Variants in TMPRSS11F observed in about 807,000 individuals in gnomAD.
TMPRSS11F encodes the protein transmembrane protease serine 11F.
In TMPRSS11F, 47 loss-of-function variants were observed where a neutral mutation model predicts 60.2. That is an observed-to-expected ratio of 0.78 (90% confidence interval 0.62 to 1.00). The LOEUF (loss-of-function observed/expected upper bound fraction) is 1.00. Among genes scored for constraint, TMPRSS11F ranks in the 50% least tolerant of loss-of-function variants. The probability of loss-of-function intolerance (pLI) is 0.00; values close to 1 mark genes in which losing one functional copy is unlikely to be tolerated. For missense variants in TMPRSS11F, 519 were observed against 522.9 expected (o/e 0.99, Z 0.07); for synonymous variants, 166 against 167.3 (o/e 0.99, Z 0.06).
intron 2 of TMPRSS11F, 35 bp downstream of exon 2, chr4:68,098,852 T>G: frequency 6.4e-7 from 1 of 1,570,688 alleles, no homozygotes; most frequent in Non-Finnish European, 8.6e-7. Flanking sequence ...AGTCATGGAG[T>G]ACTTAGGCAA....
At chr4:68,067,546 A>G (rs1481534529) in intron 7 of TMPRSS11F, among the ~76,000 whole-genome samples, 1 of 152,268 alleles carries the variant, frequency 6.6e-6, no homozygotes, top group Non-Finnish European at 1.5e-5. Context: ...TCTCACAAAA[A>G]CAGAAGTGCA....
At chr4:68,076,866 G>A (rs367784438) in intron 3 of TMPRSS11F, among the ~76,000 whole-genome samples, 30 of 152,246 alleles carry the variant, frequency 2.0e-4, no homozygotes, top group East Asian at 1.2e-3. Context: ...AAATAATATC[G>A]TTGTCAATGG....
chr4:68,123,964 T>C (rs2109891324), intron 1 of TMPRSS11F, among the ~76,000 whole-genome samples: 1 of 152,314 alleles, frequency 6.6e-6, no homozygotes, highest in Admixed American at 6.5e-5. Context: ...CTCATGCCTG[T>C]AATCCTAGCA....
At chr4:68,059,587 T>A in intron 8 of TMPRSS11F, 119 bp from the exon 9 acceptor site, 12 of 980,828 alleles carry the variant, frequency 1.2e-5, no homozygotes, top group Non-Finnish European at 1.7e-5. Context: ...TAACATTAGC[T>A]ATCATCTTAT....
intron 1 of TMPRSS11F, among the ~76,000 whole-genome samples, chr4:68,107,522 T>C (rs1724325985): frequency 6.6e-6 from 1 of 152,036 alleles, no homozygotes; most frequent in Non-Finnish European, 1.5e-5. Flanking sequence ...GAAATAGTCA[T>C]TACAAGGACC....
At chr4:68,074,091 TAAGAA>T (rs1413567694) in intron 3 of TMPRSS11F, 82 bp from the exon 4 acceptor site, 25 of 848,652 alleles carry the variant, frequency 2.9e-5, no homozygotes, top group Non-Finnish European at 1.6e-5. Flanking sequence ...GTATTAGTCT[TAAGAA>T]AAGTGTTATT....
At position 68,077,383 on chromosome 4, in the gene TMPRSS11F, C is replaced by T. The variant is rs374869691; in HGVS notation, c.283-3374G>A. 5.9e-5 allele frequency: 9 copies of T among 152,320 alleles called. No homozygotes were observed. In the South Asian group the frequency reaches 1.0e-3, roughly 18 times the overall value. The allele number at this position is 152,320 out of a possible 1,614,324, so 9.4% of individuals were successfully genotyped here. On this transcript the variant is annotated intron_variant, in intron 3 of 9. Coordinates refer to ENST00000356291, the MANE Select transcript of TMPRSS11F (RefSeq NM_207407.2). ...ACAAGCAAGAGTGCATTAAGGCCCACATAGACTGCATTCTCTGTGATTCCA... is the reference window on the plus strand; with the variant it reads ...ACAAGCAAGAGTGCATTAAGGCCCATATAGACTGCATTCTCTGTGATTCCA...
At chr4:68,055,513 T>G (rs1207853573) in intron 9 of TMPRSS11F, among the ~76,000 whole-genome samples, 1 of 152,086 alleles carries the variant, frequency 6.6e-6, no homozygotes, top group Non-Finnish European at 1.5e-5. Flanking sequence ...CATGAAGAAG[T>G]GGAAAACCTG....
At chr4:68,090,159 C>A (rs1370831) in intron 3 of TMPRSS11F, among the ~76,000 whole-genome samples, 57,936 of 151,808 alleles carry the variant, frequency 0.38, 12,871 homozygotes, top group Non-Finnish European at 0.52. Context: ...TAAGTGCTGT[C>A]AAAATAAACA....
At position 68,129,521 on chromosome 4, in the gene TMPRSS11F, G is replaced by A. The variant is rs575882822; in HGVS notation, c.11+289C>T. On this transcript the variant is annotated intron_variant, in intron 1 of 9. Transcript: ENST00000356291. ...TATTAAACACTTTATTCTTTGAAGTGTAGGTTTTACTAAATGTTTTAAATA... is the reference window on the plus strand; with the variant it reads ...TATTAAACACTTTATTCTTTGAAGTATAGGTTTTACTAAATGTTTTAAATA... Among the ~76,000 whole-genome samples the A allele has an allele frequency of 1.6e-3, 248 of 152,150 alleles. 1 individual carries two copies. Among genetic ancestry groups the A allele is most frequent in the African/African-American group, 5.8e-3 (240 of 41,534 alleles).
At chr4:68,117,397 G>A (rs935952022) in intron 1 of TMPRSS11F, among the ~76,000 whole-genome samples, 1 of 150,016 alleles carries the variant, frequency 6.7e-6, no homozygotes, top group Non-Finnish European at 1.5e-5. Flanking sequence ...AACCCTGGGT[G>A]GCAGAGCCTG....
At chr4:68,062,436 A>T (rs1723204216) in intron 8 of TMPRSS11F, 1 of 632,426 alleles carries the variant, frequency 1.6e-6, no homozygotes, top group African/African-American at 1.8e-5. Flanking sequence ...TAAAAGGTTG[A>T]ATATGATTCT....
chr4:68,104,266 G>A (rs1281616253), intron 1 of TMPRSS11F, among the ~76,000 whole-genome samples: 4 of 152,162 alleles, frequency 2.6e-5, no homozygotes, highest in African/African-American at 9.7e-5. Flanking sequence ...GATATTGGTT[G>A]TAGGTTTTTC....
chr4:68,054,337 C>G (rs1045181331), intron 9 of TMPRSS11F, among the ~76,000 whole-genome samples: 13 of 151,888 alleles, frequency 8.6e-5, no homozygotes, highest in East Asian at 7.7e-4. Flanking sequence ...TTTGAACAGG[C>G]CTGTTTAGCA....
intron 8 of TMPRSS11F, among the ~76,000 whole-genome samples, chr4:68,059,738 G>A (rs1318759652): frequency 1.3e-5 from 2 of 152,050 alleles, no homozygotes; most frequent in Non-Finnish European, 2.9e-5. Context: ...TTTTCATGAG[G>A]AGAGGGTCCA....
chr4:68,109,117 T>C (rs1047175325), intron 1 of TMPRSS11F, among the ~76,000 whole-genome samples: 2 of 152,178 alleles, frequency 1.3e-5, no homozygotes, highest in African/African-American at 4.8e-5. Context: ...AACTATATTT[T>C]CTTAGGAACA....
intron 1 of TMPRSS11F, among the ~76,000 whole-genome samples, chr4:68,123,746 G>A (rs1724664622): frequency 6.6e-6 from 1 of 152,148 alleles, no homozygotes; most frequent in African/African-American, 2.4e-5. Context: ...TTGCTAGAGA[G>A]GAGAGATAGA....
intron 1 of TMPRSS11F, among the ~76,000 whole-genome samples, chr4:68,122,290 C>T (rs1480956329): frequency 5.3e-5 from 8 of 151,906 alleles, no homozygotes; most frequent in Admixed American, 5.2e-4. Context: ...TCTGATAGAC[C>T]CTACTTTTAT....
intron 1 of TMPRSS11F, among the ~76,000 whole-genome samples, chr4:68,123,886 T>C (rs894197574): frequency 1.3e-5 from 2 of 152,248 alleles, no homozygotes; most frequent in East Asian, 3.9e-4. Flanking sequence ...GTGTTAAAGA[T>C]AGGAGCATCA....
Sources: gnomAD v4.1 joint callset for allele counts (sites outside exome capture counted in the v4.1 genomes callset) on GRCh38, gnomAD v4.1.1 for gene constraint, MANE v1.5 for transcripts, NCBI Gene and HGNC (gene_info 2026-07-23, HGNC 2026-07-21) for gene names.